The following DPP10 variants were observed in gnomAD, a reference collection of about 807,000 sequenced individuals.
The protein encoded by DPP10 is inactive dipeptidyl peptidase 10.
Under a neutral mutation model 120.9 loss-of-function variants are expected in DPP10, and 33 were observed. That is an observed-to-expected ratio of 0.27 (90% confidence interval 0.21 to 0.37). DPP10 has a LOEUF of 0.37. Ranked by LOEUF, DPP10 falls within the 10% of genes least tolerant of loss-of-function variation. The pLI is 1.00. For missense variants in DPP10, 816 were observed against 942.8 expected, an observed-to-expected ratio of 0.87 and a Z score of 1.76; for synonymous variants, 337 against 326.1, an observed-to-expected ratio of 1.03 and a Z score of -0.36.
chr2:114,518,554 C>A (rs1230952323), intron 1 of DPP10, among the ~76,000 whole-genome samples: 1 of 152,146 alleles, frequency 6.6e-6, no homozygotes, highest in Non-Finnish European at 1.5e-5. Context: ...ATAATTTAGA[C>A]TAAAATTCGT....
intron 1 of DPP10, among the ~76,000 whole-genome samples, chr2:115,007,011 A>C (rs1421745870): frequency 3.3e-5 from 5 of 152,180 alleles, no homozygotes; most frequent in East Asian, 3.9e-4. Context: ...AAATTATAAC[A>C]AACTATCTCT....
At chr2:114,577,583 C>G (rs775941755) in intron 1 of DPP10, among the ~76,000 whole-genome samples, 4 of 152,120 alleles carry the variant, frequency 2.6e-5, no homozygotes, top group Non-Finnish European at 4.4e-5. Context: ...AAACATGTCT[C>G]TATTTTTTTT....
At chr2:115,269,783 A>C (rs7579195) in intron 1 of DPP10, among the ~76,000 whole-genome samples, 121,025 of 152,058 alleles carry the variant, frequency 0.8, 48,394 homozygotes, top group East Asian at 0.89. Flanking sequence ...ACATTCAAGG[A>C]AAGAGGATTA....
intron 1 of DPP10, among the ~76,000 whole-genome samples, chr2:114,884,811 A>G (rs567194878): frequency 1.3e-5 from 2 of 152,294 alleles, no homozygotes; most frequent in South Asian, 2.1e-4. Context: ...AGAACATACA[A>G]TGATTGGTTT....
At chr2:114,875,307 C>T (rs903586894) in intron 1 of DPP10, among the ~76,000 whole-genome samples, 3 of 152,102 alleles carry the variant, frequency 2.0e-5, no homozygotes, top group African/African-American at 7.2e-5. Context: ...AGTTTCTACT[C>T]ACAAAGACCT....
At chr2:114,560,947 C>T (rs1688716494) in intron 1 of DPP10, among the ~76,000 whole-genome samples, 1 of 152,176 alleles carries the variant, frequency 6.6e-6, no homozygotes, top group Non-Finnish European at 1.5e-5. Flanking sequence ...AGAAGCCCCA[C>T]CTCAAACTTC....
At chr2:115,651,658 G>A (rs1020321346) in intron 5 of DPP10, among the ~76,000 whole-genome samples, 2 of 151,966 alleles carry the variant, frequency 1.3e-5, no homozygotes, top group Non-Finnish European at 1.5e-5. Context: ...GTACAGACAG[G>A]AATGTCTGCC....
At chr2:115,781,121 G>T (rs561540541) in intron 16 of DPP10, 126 bp downstream of exon 16, 4 of 700,196 alleles carry the variant, frequency 5.7e-6, no homozygotes, top group Non-Finnish European at 8.5e-6. Context: ...TTGTTAATAG[G>T]ATATACATTA....
rs551212550 is a variant in DPP10, at chr2:114,961,353, C to T, written c.61-347886C>T. Among the ~76,000 whole-genome samples the T allele has an allele frequency of 6.8e-4, 103 of 151,954 alleles. 1 individual carries two copies. Among genetic ancestry groups the T allele is most frequent in the Non-Finnish European group, 6.5e-4 (44 of 67,976 alleles). ...AAAGGCATGAGCCACTGCGCCTGGC[C>T]CTGTATGTGCTTTTTTATAACATTA... On this transcript the variant is annotated intron_variant, in intron 1 of 25. Coordinates refer to ENST00000410059, the MANE Select transcript of DPP10 (RefSeq NM_020868.6).
At chr2:115,467,604 A>T (rs2074411366) in intron 3 of DPP10, among the ~76,000 whole-genome samples, 1 of 152,090 alleles carries the variant, frequency 6.6e-6, no homozygotes, top group Non-Finnish European at 1.5e-5. Context: ...ACACTGAAAA[A>T]AAGAGAAAAT....
chr2:115,766,055 A>G (rs913501514), intron 12 of DPP10, among the ~76,000 whole-genome samples: 2 of 152,084 alleles, frequency 1.3e-5, no homozygotes, highest in South Asian at 4.2e-4. Flanking sequence ...CTCAATTTAC[A>G]TGATAGTCAC....
intron 1 of DPP10, among the ~76,000 whole-genome samples, chr2:114,454,671 T>G (rs1276712606): frequency 6.6e-6 from 1 of 152,230 alleles, no homozygotes; most frequent in African/African-American, 2.4e-5. Flanking sequence ...TCGGGCTGAA[T>G]TCACAGGGAA....
At chr2:114,591,793 T>C (rs1409140978) in intron 1 of DPP10, among the ~76,000 whole-genome samples, 1 of 151,986 alleles carries the variant, frequency 6.6e-6, no homozygotes, top group Non-Finnish European at 1.5e-5. Context: ...GACCTCATGA[T>C]CTGCCCACCT....
Position 115,768,231 on chromosome 2 carries a change from A to T in DPP10, c.1114-66A>T, listed in dbSNP as rs546414762. ...TTTGGTATAACCCATGCAGGAATTA[A>T]CAGTAGTAGGCAGCACAGATTGCAT... On this transcript the variant is annotated intron_variant, in intron 12 of 25. Transcript: ENST00000410059. The T allele has an allele frequency of 2.2e-6, 3 of 1,371,642 alleles. No homozygotes were observed. In the South Asian group the frequency reaches 3.7e-5, roughly 17 times the overall value. 85.0% of individuals were successfully genotyped at this position (1,371,642 alleles called of 1,614,324 possible). A position where few individuals can be genotyped will look rare whatever the true frequency, so the allele number is the denominator to read the frequency against.
At chr2:115,013,011 G>C (rs925654983) in intron 1 of DPP10, among the ~76,000 whole-genome samples, 1 of 152,178 alleles carries the variant, frequency 6.6e-6, no homozygotes, top group African/African-American at 2.4e-5. Flanking sequence ...GGTTAATACT[G>C]TTAAGTGTGA....
chr2:114,540,134 T>C (rs991802140), intron 1 of DPP10, among the ~76,000 whole-genome samples: 4 of 152,174 alleles, frequency 2.6e-5, no homozygotes, highest in Non-Finnish European at 5.9e-5. Flanking sequence ...ATGAGACCAA[T>C]GGAGTGATAT....
Position 115,466,644 on chromosome 2 carries a change from A to G in DPP10, c.272-32866A>G, listed in dbSNP as rs530653193. 2.2e-4 allele frequency among the ~76,000 whole-genome samples: 34 copies of G among 152,270 alleles called. No individual in the cohort carries two copies. The South Asian group carries it at 6.2e-3, about 28-fold the overall frequency. On this transcript the variant is annotated intron_variant, in intron 3 of 25. Coordinates refer to ENST00000410059, the MANE Select transcript of DPP10 (RefSeq NM_020868.6). ...CTTATTACTTTTGTGAAAAATAGAA[A>G]GGGTTACATAATAAAATATTAATTG...
At chr2:115,093,047 A>G (rs1249527325) in intron 1 of DPP10, among the ~76,000 whole-genome samples, 1 of 152,156 alleles carries the variant, frequency 6.6e-6, no homozygotes, top group Non-Finnish European at 1.5e-5. Flanking sequence ...ATTAAGATAA[A>G]AAGCTAGAAG....
intron 1 of DPP10, among the ~76,000 whole-genome samples, chr2:115,230,844 A>T (rs536940965): frequency 3.3e-5 from 5 of 152,126 alleles, no homozygotes; most frequent in Admixed American, 3.3e-4. Context: ...GTAATTACAA[A>T]TTTTTTCAGT....
Sources: gnomAD v4.1 joint callset for allele counts (sites outside exome capture counted in the v4.1 genomes callset) on GRCh38, gnomAD v4.1.1 for gene constraint, MANE v1.5 for transcripts, NCBI Gene and HGNC (gene_info 2026-07-23, HGNC 2026-07-21) for gene names.